The following MYO6 variants were observed in gnomAD, a reference collection of about 807,000 sequenced individuals.
MYO6 encodes the protein unconventional myosin-VI.
MYO6 carries 74 observed loss-of-function variants against 178.7 expected under a neutral mutation model. The ratio of observed to expected loss-of-function variants is 0.41; its 90% confidence interval spans 0.34 to 0.50. The LOEUF is 0.50. MYO6 is among the 20% of genes least tolerant of loss of function. MYO6 has a pLI of 0.09. For missense variants in MYO6, 1,330 were observed against 1,547.4 expected (o/e 0.86, Z 2.36); for synonymous variants, 477 against 504.6 (o/e 0.95, Z 0.73).
chr6:75,799,705 G>A lies in MYO6; in HGVS notation c.-47-17796G>A, dbSNP rs534801784. The stretch of plus-strand genomic sequence containing the variant: ...TTCAAGGAATGAAATGAAACAAGAT[G>A]GCTCTTGTTTCTTGATTTTTGCCTG... On this transcript the variant is annotated intron_variant, in intron 1 of 34. Coordinates refer to ENST00000369977, the MANE Select transcript of MYO6 (RefSeq NM_004999.4). Among the ~76,000 whole-genome samples, 9 of 152,116 alleles carry A rather than the reference G, an allele frequency of 5.9e-5. No individual in the cohort carries two copies. The East Asian group carries it at 1.5e-3, about 26-fold the overall frequency.
chr6:75,902,799 T>C (rs1227335552), intron 30 of MYO6, among the ~76,000 whole-genome samples: 1 of 151,326 alleles, frequency 6.6e-6, no homozygotes, highest in Non-Finnish European at 1.5e-5. Flanking sequence ...GCTTTTCTAG[T>C]TCTTTTAATT....
intron 27 of MYO6, among the ~76,000 whole-genome samples, 160 bp from the exon 28 acceptor site, chr6:75,892,370 G>A (rs1778968472): frequency 6.6e-6 from 1 of 152,194 alleles, no homozygotes; most frequent in Non-Finnish European, 1.5e-5. Flanking sequence ...AATCATAATA[G>A]AGAAGAAAGT....
At chr6:75,777,314 C>T (rs1230240691) in intron 1 of MYO6, among the ~76,000 whole-genome samples, 1 of 152,136 alleles carries the variant, frequency 6.6e-6, no homozygotes, top group Non-Finnish European at 1.5e-5. Flanking sequence ...AATATGGTTT[C>T]CTGGCATAAT....
intron 28 of MYO6, among the ~76,000 whole-genome samples, chr6:75,893,959 T>C (rs1354628280): frequency 1.3e-5 from 2 of 152,222 alleles, no homozygotes; most frequent in Non-Finnish European, 2.9e-5. Flanking sequence ...GGAGTCTTTA[T>C]GTGTAACTGA....
intron 1 of MYO6, among the ~76,000 whole-genome samples, chr6:75,789,711 AT>A (rs1768038525): frequency 6.6e-6 from 1 of 152,134 alleles, no homozygotes; most frequent in African/African-American, 2.4e-5. Context: ...ATCAAAGTAT[AT>A]TTACTGCTTT....
At chr6:75,899,392 G>T (rs1779556601) in intron 30 of MYO6, among the ~76,000 whole-genome samples, 1 of 151,926 alleles carries the variant, frequency 6.6e-6, no homozygotes, top group Non-Finnish European at 1.5e-5. Context: ...ATAATTTTCA[G>T]CTGCCCTCCT....
In MYO6 at chr6:75,914,209, C is replaced by G. The variant is rs2149433696; in HGVS notation, c.3586C>G (p.His1196Asp). Residue 1196 changes from histidine (H) to aspartate (D), a missense_variant, in exon 34 of 35, where the codon CAT becomes GAT. Physicochemically the swap from His to Asp is moderately conservative, Grantham distance 81 (BLOSUM62 -1). Transcript: ENST00000369977. ...TAAGAAAAAAGGCTGGTGGTATGCCCATTTTGATGGACCATGGATTGCCCG... is the reference window on the plus strand; with the variant it reads ...TAAGAAAAAAGGCTGGTGGTATGCCGATTTTGATGGACCATGGATTGCCCG... ...QSKKKGWWYA[H>D]FDGPWIARQM... is the part of the protein sequence containing the mutation. The G allele has an allele frequency of 6.2e-7, 1 of 1,614,164 alleles. No individual in the cohort carries two copies. The highest frequency in any genetic ancestry group is 8.5e-7 in the Non-Finnish European group (1 of 1,180,030).
chr6:75,881,546 A>G, intron 22 of MYO6, 143 bp from the exon 23 acceptor site: 1 of 773,082 alleles, frequency 1.3e-6, no homozygotes, highest in Non-Finnish European at 2.1e-6. Flanking sequence ...TGTTTGTTGT[A>G]TTCTCTGCCA....
intron 3 of MYO6, among the ~76,000 whole-genome samples, chr6:75,826,463 A>T (rs1293049863): frequency 6.6e-6 from 1 of 152,164 alleles, no homozygotes; most frequent in Non-Finnish European, 1.5e-5. Context: ...TCACAGGGGA[A>T]GCGTACTGTA....
rs1323513224 is a variant in MYO6 at position 75,919,381 on chromosome 6, T to G, written c.*4369T>G. Reference sequence around the variant, plus strand: ...AGCATCTCACCTTTAAATCACAGGCTTATTAGTTGGGTGTTTTCTTTTTAC... The same window carrying G: ...AGCATCTCACCTTTAAATCACAGGCGTATTAGTTGGGTGTTTTCTTTTTAC... On this transcript the variant is annotated 3_prime_UTR_variant, in exon 35 of 35. Transcript: ENST00000369977. 1 of 152,600 alleles carries G rather than the reference T, an allele frequency of 6.6e-6. No homozygotes were observed. Among genetic ancestry groups the G allele is most frequent in the Non-Finnish European group, 1.5e-5 (1 of 68,038 alleles). 9.5% of individuals were successfully genotyped at this position (152,600 alleles called of 1,614,324 possible).
At chr6:75,841,482 A>C in intron 9 of MYO6, 104 bp downstream of exon 9, 1 of 1,107,830 alleles carries the variant, frequency 9.0e-7, no homozygotes, top group Non-Finnish European at 1.3e-6. Flanking sequence ...TGAGCCTGGG[A>C]GTTCGAGAGC....
intron 1 of MYO6, among the ~76,000 whole-genome samples, chr6:75,766,851 GA>G (rs1462960782): frequency 6.6e-6 from 1 of 152,150 alleles, no homozygotes; most frequent in African/African-American, 2.4e-5. Context: ...GTTCTCCTCT[GA>G]ATTTGCTGTT....
At chr6:75,764,111 T>C (rs985365145) in intron 1 of MYO6, among the ~76,000 whole-genome samples, 7 of 152,182 alleles carry the variant, frequency 4.6e-5, no homozygotes, top group Non-Finnish European at 7.3e-5. Context: ...ATTCGTACCA[T>C]TATAGATCAT....
At chr6:75,865,390 G>T (rs547426030) in intron 16 of MYO6, 1 of 130,362 alleles carries the variant, frequency 7.7e-6, no homozygotes, top group Admixed American at 8.3e-5. Flanking sequence ...TTGAGACAGG[G>T]TCTGGCTCTG....
chr6:75,914,233 C>T lies in MYO6; in HGVS notation c.3610C>T (p.Arg1204Trp), dbSNP rs876657911. 8 of 1,614,096 alleles carry T rather than the reference C, an allele frequency of 5.0e-6. No individual in the cohort carries two copies. The highest frequency in any genetic ancestry group is 1.7e-5 in the Admixed American group (1 of 60,010). Reference sequence around the variant, plus strand: ...CCATTTTGATGGACCATGGATTGCCCGGCAAATGGAACTCCATCCTGACAA... The same window carrying T: ...CCATTTTGATGGACCATGGATTGCCTGGCAAATGGAACTCCATCCTGACAA... ...YAHFDGPWIA[R>W]QMELHPDKPP... is the part of the protein sequence containing the mutation. The change falls in exon 34 of 35, where the codon CGG (arginine) becomes TGG (tryptophan). Residue 1204 changes from arginine (R) to tryptophan (W), a missense_variant. Arg to Trp is a moderately radical substitution (Grantham distance 101, BLOSUM62 -3). This residue lies in a region of MYO6 where 601 missense variants were observed against 626.1 expected (regional missense o/e 0.96). Transcript: ENST00000369977.
chr6:75,907,851 T>C, intron 31 of MYO6, 143 bp downstream of exon 31: 2 of 686,804 alleles, frequency 2.9e-6, no homozygotes, highest in Non-Finnish European at 2.6e-6. Flanking sequence ...CTATATTATC[T>C]GAATCTTTTG....
intron 19 of MYO6, among the ~76,000 whole-genome samples, chr6:75,872,848 C>T (rs1777261085): frequency 6.6e-6 from 1 of 151,070 alleles, no homozygotes; most frequent in South Asian, 2.1e-4. Flanking sequence ...GGCGTGATCT[C>T]AGCTCACTGC....
intron 1 of MYO6, among the ~76,000 whole-genome samples, chr6:75,814,146 C>T (rs1770972693): frequency 1.3e-5 from 2 of 152,160 alleles, no homozygotes; most frequent in South Asian, 4.1e-4. Context: ...ACAATTTAGC[C>T]TGCAGTGGGG....
At chr6:75,887,846 G>A (rs1247274270) in intron 25 of MYO6, among the ~76,000 whole-genome samples, 1 of 151,096 alleles carries the variant, frequency 6.6e-6, no homozygotes, top group African/African-American at 2.4e-5. Context: ...AGGCGTGATG[G>A]GGGGCACCTG....
Sources: gnomAD v4.1 joint callset for allele counts (sites outside exome capture counted in the v4.1 genomes callset) on GRCh38, gnomAD v4.1.1 for gene constraint, gnomAD v4.1.1 regional missense constraint, MANE v1.5 for transcripts, NCBI Gene and HGNC (gene_info 2026-07-23, HGNC 2026-07-21) for gene names.